Variants in OSTN observed in about 807,000 individuals in gnomAD.
OSTN encodes osteocrin.
A neutral mutation model predicts 12.0 loss-of-function variants in OSTN; 9 were observed. The ratio of observed to expected loss-of-function variants is 0.75; its 90% CI spans 0.45 to 1.30. The LOEUF (loss-of-function observed/expected upper bound fraction) is 1.30, where lower values mean the gene tolerates loss of function less well. OSTN is among the 50% of genes most tolerant of loss of function. The pLI is 0.00. For missense variants in OSTN, 148 were observed against 152.3 expected (o/e 0.97, Z 0.15); for synonymous variants, 59 against 56.9 (o/e 1.04, Z -0.16).
At chr3:191,253,245 T>C (rs537452595) in intron 4 of OSTN, among the ~76,000 whole-genome samples, 6 of 152,202 alleles carry the variant, frequency 3.9e-5, no homozygotes, top group Non-Finnish European at 8.8e-5. Flanking sequence ...TATTTGTGGG[T>C]TTTCATCTTC....
intron 4 of OSTN, among the ~76,000 whole-genome samples, chr3:191,253,732 TA>T (rs1317681879): frequency 2.0e-5 from 3 of 152,230 alleles, no homozygotes; most frequent in Non-Finnish European, 4.4e-5. Context: ...AACTCTCAGC[TA>T]ATCTTTCCTA....
chr3:191,206,627 C>T (rs1714280485), intron 1 of OSTN, among the ~76,000 whole-genome samples: 1 of 152,208 alleles, frequency 6.6e-6, no homozygotes, highest in Non-Finnish European at 1.5e-5. Flanking sequence ...CTTTAAAAGC[C>T]AGATGCAACA....
intron 1 of OSTN, among the ~76,000 whole-genome samples, chr3:191,202,554 T>C (rs1714173796): frequency 6.6e-6 from 1 of 152,244 alleles, no homozygotes; most frequent in Non-Finnish European, 1.5e-5. Flanking sequence ...ATTTATTATG[T>C]TGGCTAGCTT....
At chr3:191,254,842 A>T (rs1715635349) in intron 4 of OSTN, among the ~76,000 whole-genome samples, 1 of 152,206 alleles carries the variant, frequency 6.6e-6, no homozygotes, top group Non-Finnish European at 1.5e-5. Context: ...CTTATAAGGA[A>T]TCTCAGATTA....
intron 2 of OSTN, among the ~76,000 whole-genome samples, chr3:191,217,947 T>C (rs1159402772): frequency 1.3e-5 from 2 of 152,064 alleles, no homozygotes; most frequent in Non-Finnish European, 2.9e-5. Context: ...ATTCATTTAA[T>C]AAATATTCAT....
intron 3 of OSTN, among the ~76,000 whole-genome samples, chr3:191,223,911 A>T (rs1454182322): frequency 6.6e-6 from 1 of 152,176 alleles, no homozygotes; most frequent in Non-Finnish European, 1.5e-5. Context: ...ATAAAGGAAA[A>T]TAAAATACTT....
Position 191,212,871 on chromosome 3 carries a change from T to C in OSTN, c.102+237T>C, listed in dbSNP as rs541358041. On this transcript the variant is annotated intron_variant, in intron 2 of 4. Transcript: ENST00000682035. ...ACGTTTCCTTTTCTTTTCTTTCTTT[T>C]TTTTTTTTTTTTTTTTTGAGACAGA... Among the ~76,000 whole-genome samples, 531 of 128,480 alleles carry C rather than the reference T, an allele frequency of 4.1e-3. 4 individuals are homozygous for C. Among genetic ancestry groups the C allele is most frequent in the South Asian group, 0.013 (50 of 3,784 alleles). 84.3% of individuals were successfully genotyped at this position (128,480 alleles called of 152,430 possible). A position where few individuals can be genotyped will look rare whatever the true frequency, so the allele number is the denominator to read the frequency against.
chr3:191,226,779 AG>A (rs1714922128), intron 3 of OSTN, among the ~76,000 whole-genome samples: 1 of 152,236 alleles, frequency 6.6e-6, no homozygotes, highest in African/African-American at 2.4e-5. Context: ...AGTAAGTAAA[AG>A]AATATAGTTT....
At chr3:191,220,462 A>C (rs1714733877) in intron 3 of OSTN, among the ~76,000 whole-genome samples, 1 of 152,188 alleles carries the variant, frequency 6.6e-6, no homozygotes, top group Non-Finnish European at 1.5e-5. Context: ...AATTGATAAC[A>C]TAGTATTATT....
At chr3:191,227,915 G>A (rs1007062354) in intron 3 of OSTN, among the ~76,000 whole-genome samples, 5 of 151,996 alleles carry the variant, frequency 3.3e-5, no homozygotes, top group African/African-American at 7.2e-5. Flanking sequence ...TATTTAACAC[G>A]TTCAACTTAT....
Position 191,265,005 on chromosome 3 carries a change from G to A in OSTN, c.*2152G>A, listed in dbSNP as rs1237670232. 3 of 151,976 alleles carry A rather than the reference G, an allele frequency of 2.0e-5. No homozygotes were observed. Among genetic ancestry groups the A allele is most frequent in the Non-Finnish European group, 4.4e-5 (3 of 67,966 alleles). 9.4% of individuals were successfully genotyped at this position (151,976 alleles called of 1,614,324 possible). ...ACAATTTCCATGAAGGGAAGAAAAT[G>A]TTTTCTCCACTTATAACTCTATTTT... On this transcript the variant is annotated 3_prime_UTR_variant, in exon 5 of 5. Coordinates refer to ENST00000682035, the MANE Select transcript of OSTN (RefSeq NM_198184.2).
At chr3:191,240,957 A>G (rs1278605940) in intron 3 of OSTN, among the ~76,000 whole-genome samples, 1 of 152,200 alleles carries the variant, frequency 6.6e-6, no homozygotes, top group African/African-American at 2.4e-5. Context: ...GCCCTATTCA[A>G]TGTGGAAGGA....
At chr3:191,219,356 G>A (rs1468669533) in intron 3 of OSTN, among the ~76,000 whole-genome samples, 3 of 152,170 alleles carry the variant, frequency 2.0e-5, no homozygotes, top group South Asian at 2.1e-4. Flanking sequence ...GATGCAAACC[G>A]TTCCACATTG....
intron 3 of OSTN, among the ~76,000 whole-genome samples, chr3:191,236,714 C>T (rs977797230): frequency 6.6e-6 from 1 of 152,226 alleles, no homozygotes; most frequent in South Asian, 2.1e-4. Context: ...GATATCGTGA[C>T]ATCAGGATAT....
chr3:191,216,059 T>C (rs1714602254), intron 2 of OSTN, among the ~76,000 whole-genome samples: 1 of 152,224 alleles, frequency 6.6e-6, no homozygotes. Context: ...GGTATTTCCA[T>C]ACATCCTCTG....
At chr3:191,249,269 C>G (rs971876965) in intron 3 of OSTN, among the ~76,000 whole-genome samples, 3 of 152,116 alleles carry the variant, frequency 2.0e-5, no homozygotes, top group African/African-American at 7.2e-5. Flanking sequence ...GCTCTGGATC[C>G]TCTCTTGTTA....
At chr3:191,201,378 AT>A (rs1216597954) in intron 1 of OSTN, among the ~76,000 whole-genome samples, 4 of 152,126 alleles carry the variant, frequency 2.6e-5, no homozygotes. Flanking sequence ...TGGATATTAA[AT>A]TTGACAATTT....
At chr3:191,257,183 C>T (rs1372584491) in intron 4 of OSTN, among the ~76,000 whole-genome samples, 1 of 68,570 alleles carries the variant, frequency 1.5e-5, no homozygotes, top group Admixed American at 2.0e-4. Context: ...AAAACCCTCT[C>T]TCAAAAAAAA....
intron 3 of OSTN, among the ~76,000 whole-genome samples, chr3:191,245,973 A>G (rs1324085375): frequency 6.8e-6 from 1 of 147,652 alleles, no homozygotes. Context: ...AGGCTGAGGC[A>G]GGAGAATTGC....
Sources: allele counts gnomAD v4.1 joint callset (sites outside exome capture counted in the v4.1 genomes callset), GRCh38; gene constraint gnomAD v4.1.1; transcripts MANE v1.5; gene names NCBI Gene and HGNC (gene_info 2026-07-23, HGNC 2026-07-21).